The following PTK2B variants were observed in gnomAD, a reference collection of about 807,000 sequenced individuals.
PTK2B encodes protein tyrosine kinase 2 beta.
A neutral mutation model predicts 142.9 loss-of-function variants in PTK2B; 71 were observed. The observed-to-expected ratio is 0.50, with a 90% CI of 0.41 to 0.61. The LOEUF (loss-of-function observed/expected upper bound fraction) is 0.61. Among genes scored for constraint, PTK2B ranks in the 20% least tolerant of loss-of-function variants. The pLI, the probability that PTK2B is intolerant of heterozygous loss-of-function variation, is 0.00. For missense variants in PTK2B, 1,105 were observed against 1,320.4 expected (o/e 0.84, Z 2.53); for synonymous variants, 519 against 503.4 (o/e 1.03, Z -0.42).
intron 1 of PTK2B, among the ~76,000 whole-genome samples, chr8:27,345,529 G>T (rs1343999547): frequency 1.3e-5 from 2 of 152,156 alleles, no homozygotes; most frequent in African/African-American, 4.8e-5. Context: ...ACCCCTCTTG[G>T]AGAATCCCCC....
rs1242411986 is a variant in PTK2B at position 27,436,373 on chromosome 8, A to G, written c.1341+25A>G. The stretch of plus-strand genomic sequence containing the variant: ...CGTGAGTTCTAGGATCTTCCCTTAC[A>G]CTCCTCTTCCACATGTCTGTAGGGT... On this transcript the variant is annotated intron_variant, in intron 15 of 30. Coordinates refer to ENST00000346049, the MANE Select transcript of PTK2B (RefSeq NM_173176.3). The G allele has an allele frequency of 6.3e-6, 10 of 1,575,690 alleles. No individual in the cohort carries two copies. In the East Asian group the frequency reaches 2.0e-4, roughly 32 times the overall value.
chr8:27,454,741 A>G, intron 30 of PTK2B, 130 bp downstream of exon 30: 2 of 941,946 alleles, frequency 2.1e-6, no homozygotes, highest in Non-Finnish European at 1.6e-6. Flanking sequence ...GGTGGGTTCT[A>G]TGTGGCTTAT....
At chr8:27,361,342 C>T (rs892053052) in intron 1 of PTK2B, among the ~76,000 whole-genome samples, 1 of 152,136 alleles carries the variant, frequency 6.6e-6, no homozygotes, top group African/African-American at 2.4e-5. Flanking sequence ...TCTTAGCCTC[C>T]CGAGTAGCTG....
intron 30 of PTK2B, among the ~76,000 whole-genome samples, chr8:27,455,070 G>T (rs1309381825): frequency 2.6e-5 from 4 of 152,110 alleles, no homozygotes; most frequent in Non-Finnish European, 5.9e-5. Flanking sequence ...TCCTGTAGTA[G>T]GGAGAGTAAA....
chr8:27,358,958 C>G (rs1304797626), intron 1 of PTK2B, among the ~76,000 whole-genome samples: 1 of 152,084 alleles, frequency 6.6e-6, no homozygotes, highest in Non-Finnish European at 1.5e-5. Flanking sequence ...GATTTTATGG[C>G]ACTTTGACTC....
chr8:27,450,919 G>A (rs749716414), intron 25 of PTK2B, 24 bp downstream of exon 25: 102 of 1,613,966 alleles, frequency 6.3e-5, no homozygotes, highest in Middle Eastern at 1.6e-4. Flanking sequence ...GAAGGATGTC[G>A]GTGCCCTGCA....
rs574594769 is a variant in PTK2B at position 27,382,610 on chromosome 8, A to G, written c.-37-14938A>G. Among the ~76,000 whole-genome samples, 8 of 152,030 alleles carry G rather than the reference A, an allele frequency of 5.3e-5. No homozygotes were observed. In the East Asian group the frequency reaches 1.5e-3, roughly 29 times the overall value. On this transcript the variant is annotated intron_variant, in intron 1 of 30. Coordinates refer to ENST00000346049, the MANE Select transcript of PTK2B (RefSeq NM_173176.3). ...TTTGCTTCTGTTACCTGTGTTTTTG[A>G]AGTCTTACCTGCAAAATATTTGCCC...
chr8:27,406,333 G>A (rs1175987695), intron 2 of PTK2B, among the ~76,000 whole-genome samples: 1 of 152,014 alleles, frequency 6.6e-6, no homozygotes, highest in Non-Finnish European at 1.5e-5. Flanking sequence ...CAGATTCTGG[G>A]GTTAGGACAT....
upstream of PTK2B, among the ~76,000 whole-genome samples, chr8:27,324,733 G>A (rs957023709): frequency 2.0e-5 from 3 of 152,170 alleles, no homozygotes; most frequent in Non-Finnish European, 4.4e-5. Flanking sequence ...CTCTGGAGAG[G>A]ACATTGTAGG....
intron 9 of PTK2B, among the ~76,000 whole-genome samples, 187 bp downstream of exon 9, chr8:27,431,659 G>A (rs1009839698): frequency 5.3e-5 from 8 of 152,264 alleles, no homozygotes; most frequent in African/African-American, 1.9e-4. Context: ...GGGACAGATG[G>A]CCCTTTACAT....
At position 27,433,518 on chromosome 8, in the gene PTK2B, G is replaced by A; in HGVS notation, c.1071G>A (p.Glu357=). 1.9e-6 allele frequency: 3 copies of A among 1,614,152 alleles called. No homozygotes were observed. The highest frequency in any genetic ancestry group is 2.5e-6 in the Non-Finnish European group (3 of 1,179,954). The change falls in exon 11 of 31, where the codon GAG becomes GAA. Residue 357 remains glutamate (E), a synonymous_variant. Transcript: ENST00000346049. ...ACGGCTACTGCCGGCTGCAGGGTGA[G>A]CACCAAGGCTCTCTCATCATCCATC... ...LIDGYCRLQG[E]HQGSLIIHPR...
At chr8:27,335,522 G>A (rs942578154) in intron 1 of PTK2B, among the ~76,000 whole-genome samples, 1 of 151,766 alleles carries the variant, frequency 6.6e-6, no homozygotes, top group Non-Finnish European at 1.5e-5. Flanking sequence ...AACCCAGTAG[G>A]CGGAGGTTGC....
chr8:27,434,442 G>T, intron 12 of PTK2B, 71 bp from the exon 13 acceptor site: 1 of 1,498,518 alleles, frequency 6.7e-7, no homozygotes. Context: ...GGAGAGGGCG[G>T]GCCGAGGCTG....
At position 27,445,912 on chromosome 8, in the gene PTK2B, G is replaced by C; in HGVS notation, c.2333G>C (p.Ser778Thr). 1 of 1,613,674 alleles carries C rather than the reference G, an allele frequency of 6.2e-7. No homozygotes were observed. Among genetic ancestry groups the C allele is most frequent in the Non-Finnish European group, 8.5e-7 (1 of 1,180,032 alleles). The part of the protein sequence containing the change: ...LHRHNVFKRH[S>T]MREEDFIQPS... Reference sequence around the variant, plus strand: ...CGGCACAATGTCTTCAAACGCCACAGCATGCGGGTAAGAGGGCTCTGCATG... The same window carrying C: ...CGGCACAATGTCTTCAAACGCCACACCATGCGGGTAAGAGGGCTCTGCATG... The change falls in exon 24 of 31, where the codon AGC (serine) becomes ACC (threonine). Residue 778 changes from serine (S) to threonine (T), a missense_variant. Physicochemically the swap from Ser to Thr is moderately conservative, Grantham distance 58. Transcript: ENST00000346049.
At chr8:27,391,313 T>G (rs1029568601) in intron 1 of PTK2B, among the ~76,000 whole-genome samples, 2 of 152,076 alleles carry the variant, frequency 1.3e-5, no homozygotes, top group Admixed American at 1.3e-4. Flanking sequence ...ATCAGGCTGA[T>G]CTCAAACTCC....
chr8:27,436,659 G>A (rs76399975), intron 15 of PTK2B, among the ~76,000 whole-genome samples: 97 of 152,304 alleles, frequency 6.4e-4, no homozygotes, highest in Non-Finnish European at 1.0e-3. Context: ...GAGAAAAGGT[G>A]AGGCAGGATC....
intron 1 of PTK2B, among the ~76,000 whole-genome samples, chr8:27,357,675 A>C (rs912354545): frequency 6.6e-6 from 1 of 152,212 alleles, no homozygotes. Context: ...CCTTTTTTGA[A>C]GAGGAGATCT....
At position 27,437,103 on chromosome 8, in the gene PTK2B, G is replaced by C. The variant is rs760782034; in HGVS notation, c.1342-19G>C. 8.1e-6 allele frequency: 13 copies of C among 1,608,808 alleles called. No individual in the cohort carries two copies. Among genetic ancestry groups the C allele is most frequent in the Admixed American group, 5.0e-5 (3 of 59,980 alleles). On this transcript the variant is annotated intron_variant, in intron 15 of 30. Transcript: ENST00000346049. ...GCACTGGGCTGGACCAAGGGGTCCT[G>C]AACACACTCTTGTTACAGAAAGGGG...
Position 27,459,065 on chromosome 8 carries a change from G to A in PTK2B, c.*556G>A. ...GGACTGACAGCATGTGCCCTCCTGA[G>A]GGAGGACCTGGGGCACAGTCCAGGA... On this transcript the variant is annotated 3_prime_UTR_variant, in exon 31 of 31. Coordinates refer to ENST00000346049, the MANE Select transcript of PTK2B (RefSeq NM_173176.3). The A allele has an allele frequency of 4.0e-6, 1 of 251,396 alleles. No homozygotes were observed. Among genetic ancestry groups the A allele is most frequent in the South Asian group, 1.2e-4 (1 of 8,554 alleles). The allele number at this position is 251,396 out of a possible 1,614,324, so 15.6% of individuals were successfully genotyped here.
Sources: gnomAD v4.1 joint callset for allele counts (sites outside exome capture counted in the v4.1 genomes callset) on GRCh38, gnomAD v4.1.1 for gene constraint, MANE v1.5 for transcripts, NCBI Gene and HGNC (gene_info 2026-07-23, HGNC 2026-07-21) for gene names.